The following MAP7 variants were observed in gnomAD, a reference collection of about 807,000 sequenced individuals.
The protein encoded by MAP7 is microtubule associated protein 7.
In MAP7, 52 loss-of-function variants were observed where a neutral mutation model predicts 94.8. The observed-to-expected ratio is 0.55, with a 90% CI of 0.44 to 0.69. The LOEUF is 0.69. Among genes scored for constraint, MAP7 ranks in the 30% least tolerant of loss-of-function variants. MAP7 has a pLI of 0.00. For synonymous variants in MAP7, 350 were observed against 357.0 expected (o/e 0.98, Z 0.22); for missense variants, 940 against 964.6 (o/e 0.97, Z 0.34).
intron 1 of MAP7, among the ~76,000 whole-genome samples, chr6:136,488,862 A>C: frequency 6.6e-6 from 1 of 152,166 alleles, no homozygotes. Context: ...CTCAATCCCC[A>C]AACAGACAAT....
chr6:136,426,141 T>C (rs368313736), intron 1 of MAP7, among the ~76,000 whole-genome samples: 3 of 152,196 alleles, frequency 2.0e-5, no homozygotes, highest in Non-Finnish European at 2.9e-5. Context: ...ATATGTGCTC[T>C]CAACAAAGTT....
chr6:136,360,957 G>A (rs775492624), intron 12 of MAP7, 48 bp downstream of exon 12: 3 of 1,546,754 alleles, frequency 1.9e-6, no homozygotes, highest in South Asian at 1.2e-5. Flanking sequence ...GGGCTGGGGC[G>A]TCTCCCTGCG....
intron 11 of MAP7, among the ~76,000 whole-genome samples, chr6:136,362,154 C>A (rs1193744678): frequency 6.6e-6 from 1 of 151,936 alleles, no homozygotes; most frequent in East Asian, 1.9e-4. Context: ...GGCATGGTGG[C>A]TCATGTCTGC....
intron 15 of MAP7, among the ~76,000 whole-genome samples, chr6:136,357,467 C>T (rs1455627942): frequency 6.6e-6 from 1 of 152,146 alleles, no homozygotes; most frequent in Admixed American, 6.5e-5. Flanking sequence ...GAGAGAATAA[C>T]TGAAATAATT....
At chr6:136,484,231 C>T (rs903289733) in intron 1 of MAP7, among the ~76,000 whole-genome samples, 1 of 152,096 alleles carries the variant, frequency 6.6e-6, no homozygotes, top group Non-Finnish European at 1.5e-5. Flanking sequence ...TTCTTAAACA[C>T]AAAAGCAAAA....
chr6:136,372,387 G>T, intron 8 of MAP7, 114 bp downstream of exon 8: 1 of 1,198,322 alleles, frequency 8.3e-7, no homozygotes, highest in Non-Finnish European at 1.2e-6. Flanking sequence ...ATGGGATGGT[G>T]GATGTCACGG....
At chr6:136,538,638 A>T (rs1163700396) in intron 1 of MAP7, among the ~76,000 whole-genome samples, 2 of 151,944 alleles carry the variant, frequency 1.3e-5, no homozygotes, top group African/African-American at 4.8e-5. Flanking sequence ...AAAAAAAATT[A>T]GCTGGTGCTA....
At chr6:136,528,263 G>T (rs1257964302) in intron 1 of MAP7, among the ~76,000 whole-genome samples, 1 of 152,138 alleles carries the variant, frequency 6.6e-6, no homozygotes, top group Non-Finnish European at 1.5e-5. Context: ...ACGCATATAA[G>T]ATCTTATTGT....
chr6:136,434,475 A>G (rs1795832003), intron 1 of MAP7, among the ~76,000 whole-genome samples: 1 of 152,144 alleles, frequency 6.6e-6, no homozygotes, highest in Non-Finnish European at 1.5e-5. Flanking sequence ...CAGAGACTCC[A>G]TATCAGGCCA....
chr6:136,495,475 CACACACACAT>C (rs1275397825), intron 1 of MAP7, among the ~76,000 whole-genome samples: 84 of 152,136 alleles, frequency 5.5e-4, no homozygotes, highest in African/African-American at 1.9e-3. Context: ...CACACACACA[CACACACACAT>C]AAACACACAC....
intron 1 of MAP7, among the ~76,000 whole-genome samples, chr6:136,422,371 G>A (rs1229646567): frequency 1.3e-5 from 2 of 152,128 alleles, no homozygotes; most frequent in East Asian, 3.8e-4. Context: ...GCTTTTGGGG[G>A]TGGGGTGCTG....
At position 136,418,493 on chromosome 6, in the gene MAP7, G is replaced by T. The variant is rs566657163; in HGVS notation, c.166+3208C>A. Among the ~76,000 whole-genome samples, 8 of 152,338 alleles carry T rather than the reference G, an allele frequency of 5.3e-5. No homozygotes were observed. The East Asian group carries it at 1.5e-3, about 29-fold the overall frequency. ...GCCTCCCAAATTGCTGGGATTACAG[G>T]CGTGAGCCACCGGCGCCTGGCCAGC... On this transcript the variant is annotated intron_variant, in intron 2 of 17. Coordinates refer to ENST00000354570, the MANE Select transcript of MAP7 (RefSeq NM_003980.6).
chr6:136,529,762 A>G (rs1247732093), intron 1 of MAP7, among the ~76,000 whole-genome samples: 1 of 152,174 alleles, frequency 6.6e-6, no homozygotes, highest in East Asian at 1.9e-4. Flanking sequence ...CCACTCAGCT[A>G]CTATGATTAA....
At chr6:136,545,789 A>C (rs1195826547) in intron 1 of MAP7, among the ~76,000 whole-genome samples, 2 of 151,994 alleles carry the variant, frequency 1.3e-5, no homozygotes, top group Non-Finnish European at 2.9e-5. Context: ...GTGGGTAAAT[A>C]GTAGGTATAT....
At chr6:136,511,554 G>A (rs998120852) in intron 1 of MAP7, among the ~76,000 whole-genome samples, 2 of 152,208 alleles carry the variant, frequency 1.3e-5, no homozygotes, top group Non-Finnish European at 2.9e-5. Context: ...ATTTGTGAGG[G>A]TGGCTTAATG....
At chr6:136,350,608 G>C (rs1390929435) in intron 16 of MAP7, among the ~76,000 whole-genome samples, 2 of 152,230 alleles carry the variant, frequency 1.3e-5, no homozygotes, top group African/African-American at 4.8e-5. Context: ...CACTTCAGGA[G>C]GCCAAGGTGG....
At chr6:136,395,670 T>C (rs1445970229) in intron 3 of MAP7, among the ~76,000 whole-genome samples, 1 of 152,158 alleles carries the variant, frequency 6.6e-6, no homozygotes, top group African/African-American at 2.4e-5. Context: ...TGCTTTCTTC[T>C]AGTAGTTTCA....
chr6:136,351,247 A>AC (rs1283134336), intron 16 of MAP7, among the ~76,000 whole-genome samples: 1 of 151,930 alleles, frequency 6.6e-6, no homozygotes, highest in East Asian at 1.9e-4. Context: ...AAAAAAAAAA[A>AC]AAAAAACGAA....
chr6:136,390,620 T>C (rs1780437874), intron 3 of MAP7, among the ~76,000 whole-genome samples: 1 of 151,996 alleles, frequency 6.6e-6, no homozygotes, highest in Non-Finnish European at 1.5e-5. Flanking sequence ...GCCACTGCAC[T>C]CCAGCCTTGG....
Sources: allele counts gnomAD v4.1 joint callset (sites outside exome capture counted in the v4.1 genomes callset), GRCh38; gene constraint gnomAD v4.1.1; transcripts MANE v1.5; gene names NCBI Gene and HGNC (gene_info 2026-07-23, HGNC 2026-07-21).